RPAP2: variants seen among roughly 807,000 people sequenced by gnomAD.
RPAP2 encodes putative RNA polymerase II subunit B1 CTD phosphatase RPAP2.
In RPAP2, 52 loss-of-function variants were observed where a neutral mutation model predicts 73.1. The ratio of observed to expected loss-of-function variants is 0.71; its 90% CI spans 0.57 to 0.90. RPAP2 has a LOEUF of 0.90. RPAP2 is among the 40% of genes least tolerant of loss of function. RPAP2 has a pLI of 0.00. For missense variants in RPAP2, 598 were observed against 701.8 expected (o/e 0.85, Z 1.67); for synonymous variants, 225 against 242.1 (o/e 0.93, Z 0.65).
At chr1:92,308,937 G>A (rs1438149764) in intron 6 of RPAP2, among the ~76,000 whole-genome samples, 1 of 151,638 alleles carries the variant, frequency 6.6e-6, no homozygotes, top group Non-Finnish European at 1.5e-5. Flanking sequence ...TCTAGCCTGG[G>A]CCACAGAGTG....
rs540469980 is a variant in RPAP2 at position 92,359,156 on chromosome 1, G to T, written c.1688+13242G>T. On this transcript the variant is annotated intron_variant, in intron 11 of 12. Coordinates refer to ENST00000610020, the MANE Select transcript of RPAP2 (RefSeq NM_024813.3). ...AAATGAAAAGGAAGAGACAAATTAT[G>T]AGAAACACTACAGCTCTAGAATCCA... 2.6e-5 allele frequency among the ~76,000 whole-genome samples: 4 copies of T among 152,328 alleles called. No individual in the cohort carries two copies. The South Asian group carries it at 8.3e-4, about 32-fold the overall frequency.
At chr1:92,346,465 G>C (rs1234984666) in intron 11 of RPAP2, among the ~76,000 whole-genome samples, 1 of 152,010 alleles carries the variant, frequency 6.6e-6, no homozygotes, top group African/African-American at 2.4e-5. Flanking sequence ...CACCCAGCCT[G>C]TTATCATCTT....
chr1:92,325,302 G>A (rs1652563114), intron 8 of RPAP2, among the ~76,000 whole-genome samples: 1 of 152,136 alleles, frequency 6.6e-6, no homozygotes, highest in African/African-American at 2.4e-5. Context: ...GATTTGGAAA[G>A]AGGGTAGAAG....
rs904881982 is a variant in RPAP2, at chr1:92,396,896, T to A, written c.*9885T>A. ...CTCAGGTGATCCTCCTGCCTCGGCC[T>A]CCCAAAGCGCTGGGATTACAGGCGT... is the stretch of plus-strand genomic sequence containing the variant. On this transcript the variant is annotated 3_prime_UTR_variant, in exon 13 of 13. Transcript: ENST00000610020. The A allele has an allele frequency of 6.6e-6, 1 of 152,174 alleles. No homozygotes were observed. Among genetic ancestry groups the A allele is most frequent in the Non-Finnish European group, 1.5e-5 (1 of 68,054 alleles). 9.4% of individuals were successfully genotyped at this position (152,174 alleles called of 1,614,324 possible).
intron 9 of RPAP2, among the ~76,000 whole-genome samples, chr1:92,335,581 G>A (rs1653236081): frequency 2.6e-5 from 4 of 151,714 alleles, no homozygotes; most frequent in African/African-American, 4.8e-5. Flanking sequence ...AAACCTAGAA[G>A]GAATGAAATA....
chr1:92,360,972 T>C (rs1196901023), intron 11 of RPAP2, among the ~76,000 whole-genome samples: 1 of 151,984 alleles, frequency 6.6e-6, no homozygotes, highest in Non-Finnish European at 1.5e-5. Context: ...GACTAACCTT[T>C]ATTTTCTCAT....
chr1:92,354,535 T>C (rs953205759), intron 11 of RPAP2, among the ~76,000 whole-genome samples: 1 of 152,346 alleles, frequency 6.6e-6, no homozygotes, highest in South Asian at 2.1e-4. Context: ...TTTTTTCTTT[T>C]GAATTAGAAA....
At position 92,392,858 on chromosome 1, in the gene RPAP2, A is replaced by G. The variant is rs1656090355; in HGVS notation, c.*5847A>G. ...ACACAAACAAATGGAAAAACATTCC[A>G]TGCTCATGGATAGGAAGAATCAATA... On this transcript the variant is annotated 3_prime_UTR_variant, in exon 13 of 13. Transcript: ENST00000610020. 6.6e-6 allele frequency: 1 copy of G among 152,252 alleles called. No individual in the cohort carries two copies. The highest frequency in any genetic ancestry group is 2.4e-5 in the African/African-American group (1 of 41,460). 9.4% of individuals were successfully genotyped at this position (152,252 alleles called of 1,614,324 possible).
intron 11 of RPAP2, among the ~76,000 whole-genome samples, chr1:92,367,157 T>A (rs1341265975): frequency 6.6e-6 from 1 of 152,226 alleles, no homozygotes; most frequent in Non-Finnish European, 1.5e-5. Flanking sequence ...AAGCTTCAGG[T>A]ACTTCAGCTC....
At chr1:92,372,009 A>G (rs1399629133) in intron 11 of RPAP2, among the ~76,000 whole-genome samples, 1 of 152,170 alleles carries the variant, frequency 6.6e-6, no homozygotes, top group East Asian at 1.9e-4. Flanking sequence ...AAGTGTTCTT[A>G]CCACATAAAA....
chr1:92,322,722 C>T (rs1652354738), intron 7 of RPAP2, among the ~76,000 whole-genome samples: 1 of 151,216 alleles, frequency 6.6e-6, no homozygotes, highest in African/African-American at 2.4e-5. Context: ...TAAAAAAATA[C>T]AAAAATTAGC....
chr1:92,307,647 G>C (rs1265912111), intron 6 of RPAP2, among the ~76,000 whole-genome samples: 1 of 152,008 alleles, frequency 6.6e-6, no homozygotes, highest in Non-Finnish European at 1.5e-5. Context: ...TATGAGAAAG[G>C]TTAGAAAGTT....
At chr1:92,353,097 A>G (rs1188707140) in intron 11 of RPAP2, among the ~76,000 whole-genome samples, 1 of 152,184 alleles carries the variant, frequency 6.6e-6, no homozygotes, top group Non-Finnish European at 1.5e-5. Flanking sequence ...TCAGTTGACA[A>G]ACATTTGGGT....
intron 3 of RPAP2, among the ~76,000 whole-genome samples, chr1:92,302,793 G>A (rs940982664): frequency 2.6e-5 from 4 of 151,482 alleles, no homozygotes; most frequent in Non-Finnish European, 5.9e-5. Context: ...GTAGAGATGG[G>A]ATTTCACTGT....
intron 9 of RPAP2, 48 bp downstream of exon 9, chr1:92,333,521 T>A: frequency 7.7e-7 from 1 of 1,306,800 alleles, no homozygotes; most frequent in East Asian, 2.3e-5. Context: ...TTAAATTAAC[T>A]TGACATTTAA....
rs182371047 is a variant in RPAP2 at position 92,325,282 on chromosome 1, G to A, written c.1455+907G>A. Among the ~76,000 whole-genome samples, 454 of 152,226 alleles carry A rather than the reference G, an allele frequency of 3.0e-3. 1 individual carries two copies. Among genetic ancestry groups the A allele is most frequent in the Non-Finnish European group, 4.4e-3 (301 of 67,970 alleles). ...AGTAAATGTGGCTCTAAATTTAAAAGCACATTGGAGATTTGGAAAGAGGGT... is the reference window on the plus strand; with the variant it reads ...AGTAAATGTGGCTCTAAATTTAAAAACACATTGGAGATTTGGAAAGAGGGT... On this transcript the variant is annotated intron_variant, in intron 8 of 12. Coordinates refer to ENST00000610020, the MANE Select transcript of RPAP2 (RefSeq NM_024813.3).
chr1:92,332,654 A>C (rs1653039795), intron 8 of RPAP2, among the ~76,000 whole-genome samples: 1 of 152,150 alleles, frequency 6.6e-6, no homozygotes, highest in Non-Finnish European at 1.5e-5. Context: ...TCACTCCCTG[A>C]AAGAACTAGT....
intron 3 of RPAP2, among the ~76,000 whole-genome samples, chr1:92,302,590 ATTTTTTTTTTTT>A (rs36067595): frequency 1.2e-4 from 9 of 74,316 alleles, no homozygotes; most frequent in African/African-American, 4.0e-4. Context: ...TCCGCATTAA[ATTTTTTTTTTTT>A]TTTTTTTTTT....
intron 7 of RPAP2, among the ~76,000 whole-genome samples, chr1:92,321,378 A>T (rs1164390098): frequency 2.0e-5 from 3 of 152,154 alleles, no homozygotes; most frequent in Non-Finnish European, 4.4e-5. Context: ...TATAGGCTAG[A>T]TTCTAACTAA....
Sources: allele counts gnomAD v4.1 joint callset (sites outside exome capture counted in the v4.1 genomes callset), GRCh38; gene constraint gnomAD v4.1.1; transcripts MANE v1.5; gene names NCBI Gene and HGNC (gene_info 2026-07-23, HGNC 2026-07-21).